KRT33A: variants seen among roughly 807,000 people sequenced by gnomAD.
KRT33A encodes keratin, type I cuticular Ha3-I.
Under a neutral mutation model 41.1 loss-of-function variants are expected in KRT33A, and 44 were observed. That is an observed-to-expected ratio of 1.07 (90% CI 0.84 to 1.38). KRT33A has a LOEUF of 1.38. Ranked by LOEUF, KRT33A falls within the 40% of genes most tolerant of loss-of-function variation. The pLI is 0.00. For synonymous variants in KRT33A, 229 were observed against 227.8 expected (o/e 1.01, Z -0.05); for missense variants, 536 against 518.5 (o/e 1.03, Z -0.33).
In KRT33A at chr17:41,348,619, AG is replaced by A. The variant is rs753681834; in HGVS notation, c.451del (p.Leu151CysfsTer19). 27 of 1,614,008 alleles carry A rather than the reference AG, an allele frequency of 1.7e-5. No homozygotes were observed. Among genetic ancestry groups the A allele is most frequent in the Non-Finnish European group, 2.1e-5 (25 of 1,180,020 alleles). Reference sequence around the variant, plus strand: ...GATGTCCGACTCCACCAGCTGCCGCAGGGACAGCTCGGTCTCATATCTGTGA... The same window carrying A: ...GATGTCCGACTCCACCAGCTGCCGCAGGACAGCTCGGTCTCATATCTGTGA... ...FRTKYETELS[L>X]RQLVESDING... On this transcript the variant is annotated frameshift_variant, in exon 3 of 7. Coordinates refer to ENST00000007735, the MANE Select transcript of KRT33A (RefSeq NM_004138.4). LOFTEE classifies it high-confidence loss of function.
intron 2 of KRT33A, 125 bp from the exon 3 acceptor site, chr17:41,348,764 T>G: frequency 9.7e-7 from 1 of 1,036,046 alleles, no homozygotes. Flanking sequence ...TCTCTTTTGT[T>G]TAGGTTTTCA....
chr17:41,348,590 C>T lies in KRT33A; in HGVS notation c.481G>A (p.Gly161Ser), dbSNP rs2017458525. The T allele has an allele frequency of 1.9e-6, 3 of 1,613,960 alleles. No homozygotes were observed. Among genetic ancestry groups the T allele is most frequent in the African/African-American group, 1.3e-5 (1 of 74,880 alleles). Residue 161 changes from glycine (G) to serine (S), a missense_variant, in exon 3 of 7, where the codon GGC becomes AGC. By Grantham distance (56) the Gly-to-Ser change is moderately conservative. Coordinates refer to ENST00000007735, the MANE Select transcript of KRT33A (RefSeq NM_004138.4). Reference protein sequence around the residue: ...LRQLVESDINGLRRILDELTL... With the variant: ...LRQLVESDINSLRRILDELTL... ...AGCTCATCCAGGATCCTGCGCAGGC[C>T]ATTGATGTCCGACTCCACCAGCTGC... is the stretch of plus-strand genomic sequence containing the variant.
rs778664902 is a variant in KRT33A at position 41,350,533 on chromosome 17, G to T, written c.235C>A (p.Arg79=). The change falls in exon 1 of 7, where the codon CGG becomes AGG. Residue 79 remains arginine, a synonymous_variant. Coordinates refer to ENST00000007735, the MANE Select transcript of KRT33A (RefSeq NM_004138.4). ...SYLEKVRQLE[R]DNAELENLIR... ...AGGTTCTCCAGCTCCGCGTTGTCCC[G>T]CTCCAGCTGACGCACCTTCTCCAGG... 1.2e-5 allele frequency: 19 copies of T among 1,613,954 alleles called. No homozygotes were observed. The highest frequency in any genetic ancestry group is 8.9e-5 in the East Asian group (4 of 44,882).
rs2017488128 is a variant in KRT33A, at chr17:41,350,408, C to T, written c.348+12G>A. ...ACTTCCTACTGGAGGCACTGTGTCG[C>T]CCACTCCTCACCTTCTGCTGGAGCT... On this transcript the variant is annotated intron_variant, in intron 1 of 6. Transcript: ENST00000007735. 1.2e-6 allele frequency: 2 copies of T among 1,611,440 alleles called. No individual in the cohort carries two copies. The highest frequency in any genetic ancestry group is 1.1e-5 in the South Asian group (1 of 90,992).
intron 3 of KRT33A, among the ~76,000 whole-genome samples, chr17:41,348,140 G>A (rs1422008673): frequency 6.6e-6 from 1 of 152,118 alleles, no homozygotes; most frequent in Non-Finnish European, 1.5e-5. Flanking sequence ...GATGGGCCTA[G>A]GCCATCCTGG....
In KRT33A at chr17:41,346,585, G is replaced by T; in HGVS notation, c.960C>A (p.Asn320Lys). The part of the protein sequence containing the change: ...QLSQVQRLIT[N>K]VESQLAEIRS... ...GGATCTCCGCCAGCTGGGACTCCAC[G>T]TTGGTGATCAGTCTCTGCACCTGGG... The change falls in exon 6 of 7, where the codon AAC becomes AAA. Residue 320 changes from asparagine (N) to lysine (K), a missense_variant. Asn to Lys is a moderately conservative substitution (Grantham distance 94, BLOSUM62 0). Transcript: ENST00000007735. 6.2e-7 allele frequency: 1 copy of T among 1,614,252 alleles called. No homozygotes were observed.
intron 3 of KRT33A, 127 bp downstream of exon 3, chr17:41,348,356 T>C (rs534775861): frequency 8.7e-6 from 8 of 922,444 alleles, no homozygotes; most frequent in Non-Finnish European, 1.3e-5. Flanking sequence ...TCTCTACATA[T>C]CCCTTTTTGT....
At chr17:41,350,384 C>A in intron 1 of KRT33A, 36 bp downstream of exon 1, 1 of 1,598,942 alleles carries the variant, frequency 6.3e-7, no homozygotes. Flanking sequence ...CTCCCGACAA[C>A]TTCCTACTGG....
intron 1 of KRT33A, 26 bp downstream of exon 1, chr17:41,350,394 G>A: frequency 6.2e-7 from 1 of 1,605,272 alleles, no homozygotes; most frequent in Non-Finnish European, 8.5e-7. Flanking sequence ...CTTCCTACTG[G>A]AGGCACTGTG....
chr17:41,350,465 G>A lies in KRT33A; in HGVS notation c.303C>T (p.Ala101=), dbSNP rs2017489023. Residue 101 remains alanine, a synonymous_variant, in exon 1 of 7, where the codon GCC becomes GCT. Transcript: ENST00000007735. ...RSQQQEPLVC[A]SYQSYFKTIE... ...TGGTCTTGAAGTAGGACTGGTAGCT[G>A]GCACACACCAAGGGCTCCTGCTGCT... 1 of 1,613,958 alleles carries A rather than the reference G, an allele frequency of 6.2e-7. No individual in the cohort carries two copies. The highest frequency in any genetic ancestry group is 1.1e-5 in the South Asian group (1 of 91,068).
rs143698304 is a variant in KRT33A at position 41,350,730 on chromosome 17, C to A, written c.38G>T (p.Arg13Leu). 1.2e-6 allele frequency: 2 copies of A among 1,611,770 alleles called. No individual in the cohort carries two copies. The highest frequency in any genetic ancestry group is 1.7e-6 in the Non-Finnish European group (2 of 1,179,680). The change falls in exon 1 of 7, where the codon CGC becomes CTC. Residue 13 changes from arginine to leucine, a missense_variant. Arg to Leu is a moderately radical substitution (Grantham distance 102). Coordinates refer to ENST00000007735, the MANE Select transcript of KRT33A (RefSeq NM_004138.4). ...YSCGLPSLSC[R>L]TSCSSRPCVP... Reference sequence around the variant, plus strand: ...ACAGGGCCGGGAGGAGCAGCTGGTGCGGCAGCTCAGGCTGGGCAGGCCACA... The same window carrying A: ...ACAGGGCCGGGAGGAGCAGCTGGTGAGGCAGCTCAGGCTGGGCAGGCCACA...
rs531255073 is a variant in KRT33A, at chr17:41,350,648, A to G, written c.120T>C (p.Asn40=). ...CACAGAACCAGTTGCAGTTGCTCAC[A>G]TTGGCGGGGATGTTGCAGGCCCCGG... ...TLPGACNIPA[N]VSNCNWFCEG... is the part of the protein sequence containing the mutation. Residue 40 remains asparagine (N), a synonymous_variant, in exon 1 of 7, where the codon AAT becomes AAC. Transcript: ENST00000007735. 652 of 1,612,296 alleles carry G rather than the reference A, an allele frequency of 4.0e-4. 9 individuals are homozygous for G. In the South Asian group the frequency reaches 6.7e-3, roughly 17 times the overall value.
Position 41,347,171 on chromosome 17 carries a change from C to T in KRT33A, c.640G>A (p.Asp214Asn), listed in dbSNP as rs202048068. Residue 214 changes from aspartate to asparagine, a missense_variant, in exon 4 of 7, where the codon GAC becomes AAC. Transcript: ENST00000007735. ...QLGDRLNVEV[D>N]AAPTVDLNQV... ...TTCAGGTCCACAGTGGGAGCAGCGT[C>T]CACCTCCACGTTGAGGCGGTCTCCA... 1 of 1,614,138 alleles carries T rather than the reference C, an allele frequency of 6.2e-7. No individual in the cohort carries two copies. Among genetic ancestry groups the T allele is most frequent in the Non-Finnish European group, 8.5e-7 (1 of 1,179,998 alleles).
Position 41,347,118 on chromosome 17 carries a change from C to A in KRT33A, c.693G>T (p.Gln231His). The A allele has an allele frequency of 6.2e-7, 1 of 1,614,224 alleles. No individual in the cohort carries two copies. ...GGTTGGTTTCCACCAGGGCCTCATA[C>A]TGACTCCTGGTCTCATTCAGGACCT... is the stretch of plus-strand genomic sequence containing the variant. ...LNQVLNETRS[Q>H]YEALVETNRR... The change falls in exon 4 of 7, where the codon CAG (glutamine) becomes CAT (histidine). Residue 231 changes from glutamine (Q) to histidine (H), a missense_variant. By Grantham distance (24) the Gln-to-His change is conservative. Transcript: ENST00000007735.
chr17:41,347,289 A>C, intron 3 of KRT33A, 67 bp from the exon 4 acceptor site: 1 of 1,495,766 alleles, frequency 6.7e-7, no homozygotes, highest in Non-Finnish European at 9.0e-7. Flanking sequence ...AGAGAATGCA[A>C]TTCAACTTCT....
rs1315596714 is a variant in KRT33A, at chr17:41,346,970, C to T, written c.751-1G>A. The T allele has an allele frequency of 1.2e-6, 2 of 1,613,688 alleles. No individual in the cohort carries two copies. The highest frequency in any genetic ancestry group is 1.7e-6 in the Non-Finnish European group (2 of 1,179,986). ...CCACCTGCTTGTTCAGCTCCTCGGT[C>T]TGAAACACCCAAGGGGAGAAAGGAT... On this transcript the variant is annotated splice_acceptor_variant, in intron 4 of 6. Coordinates refer to ENST00000007735, the MANE Select transcript of KRT33A (RefSeq NM_004138.4). LOFTEE classifies it high-confidence loss of function.
At chr17:41,348,297 T>C (rs777008334) in intron 3 of KRT33A, among the ~76,000 whole-genome samples, 186 bp downstream of exon 3, 1 of 152,260 alleles carries the variant, frequency 6.6e-6, no homozygotes, top group Non-Finnish European at 1.5e-5. Context: ...CATTCCTGCC[T>C]CTGGCAGAAA....
rs1567666399 is a variant in KRT33A at position 41,350,695 on chromosome 17, T to TG, written c.72dup (p.Ser25GlnfsTer25). 1 of 1,612,046 alleles carries TG rather than the reference T, an allele frequency of 6.2e-7. No individual in the cohort carries two copies. Among genetic ancestry groups the TG allele is most frequent in the African/African-American group, 1.4e-5 (1 of 73,850 alleles). On this transcript the variant is annotated frameshift_variant, in exon 1 of 7. Coordinates refer to ENST00000007735, the MANE Select transcript of KRT33A (RefSeq NM_004138.4). LOFTEE classifies it high-confidence loss of function. ...CCGGGCAGGGTGCAGCCGTGGCAGC[T>TG]GGGGGGCACACAGGGCCGGGAGGAG...
At chr17:41,349,200 G>A in intron 2 of KRT33A, 146 bp downstream of exon 2, 1 of 731,542 alleles carries the variant, frequency 1.4e-6, no homozygotes, top group Non-Finnish European at 2.3e-6. Context: ...CTGAGCTACG[G>A]TGTGTGGTGG....
Sources: gnomAD v4.1 joint callset for allele counts (sites outside exome capture counted in the v4.1 genomes callset) on GRCh38, gnomAD v4.1.1 for gene constraint, MANE v1.5 for transcripts, NCBI Gene and HGNC (gene_info 2026-07-23, HGNC 2026-07-21) for gene names.